Variants in AGBL4 observed in about 807,000 individuals in gnomAD.
AGBL4 encodes cytosolic carboxypeptidase 6.
A neutral mutation model predicts 66.4 loss-of-function variants in AGBL4; 58 were observed. The observed-to-expected ratio is 0.87, with a 90% CI of 0.71 to 1.09. The LOEUF (loss-of-function observed/expected upper bound fraction) is 1.09. Among genes scored for constraint, AGBL4 ranks in the 50% least tolerant of loss-of-function variants. The pLI is 0.00. For missense variants in AGBL4, 579 were observed against 631.0 expected (o/e 0.92, Z 0.88); for synonymous variants, 234 against 222.9 (o/e 1.05, Z -0.44).
At chr1:49,085,901 A>C (rs1366378635) in intron 4 of AGBL4, among the ~76,000 whole-genome samples, 1 of 152,108 alleles carries the variant, frequency 6.6e-6, no homozygotes, top group East Asian at 1.9e-4. Flanking sequence ...GGGGACCGCT[A>C]CATGTTTTGG....
rs1246464404 is a variant in AGBL4, at chr1:49,879,692, A to G, written c.35-28174T>C. Among the ~76,000 whole-genome samples, 17 of 132,732 alleles carry G rather than the reference A, an allele frequency of 1.3e-4. No homozygotes were observed. In the South Asian group the frequency reaches 4.0e-3, roughly 31 times the overall value. 87.1% of individuals were successfully genotyped at this position (132,732 alleles called of 152,430 possible). A position where few individuals can be genotyped will look rare whatever the true frequency, so the allele number is the denominator to read the frequency against. On this transcript the variant is annotated intron_variant, in intron 1 of 13. Transcript: ENST00000371839. ...TTATGGCGTTCTCTGTATTTCCTGA[A>G]TCTGAACGTTGGCCTGCCTTGCTAG...
At chr1:48,791,362 A>C (rs545478742) in intron 6 of AGBL4, among the ~76,000 whole-genome samples, 2 of 152,060 alleles carry the variant, frequency 1.3e-5, no homozygotes, top group Non-Finnish European at 2.9e-5. Context: ...TCTTCTCTAA[A>C]TCACCTTCCC....
intron 10 of AGBL4, 137 bp from the exon 11 acceptor site, chr1:48,587,303 A>T (rs1447194775): frequency 1.2e-6 from 1 of 819,484 alleles, no homozygotes; most frequent in Middle Eastern, 3.4e-4. Context: ...CATGATTATT[A>T]TAAGGACTGA....
intron 12 of AGBL4, among the ~76,000 whole-genome samples, chr1:48,537,316 C>A (rs543497875): frequency 2.0e-5 from 3 of 152,198 alleles, no homozygotes; most frequent in African/African-American, 4.8e-5. Flanking sequence ...GCATTTAGCT[C>A]AAGTCCTCAA....
intron 3 of AGBL4, among the ~76,000 whole-genome samples, chr1:49,419,340 T>A (rs549378774): frequency 1.3e-5 from 2 of 152,264 alleles, no homozygotes; most frequent in Admixed American, 1.3e-4. Context: ...GTAGCTGAAA[T>A]CTTGACAACA....
chr1:49,573,649 A>G (rs1335928190), intron 3 of AGBL4, among the ~76,000 whole-genome samples: 2 of 152,130 alleles, frequency 1.3e-5, no homozygotes, highest in Non-Finnish European at 2.9e-5. Context: ...CCTGAGTGAG[A>G]GTCTTATATC....
intron 4 of AGBL4, among the ~76,000 whole-genome samples, chr1:49,167,876 C>A (rs1322057679): frequency 6.6e-6 from 1 of 151,896 alleles, no homozygotes. Flanking sequence ...GGTTCTGCAT[C>A]CACAGATTAA....
At chr1:49,006,167 G>T (rs546156428) in intron 5 of AGBL4, among the ~76,000 whole-genome samples, 1 of 152,118 alleles carries the variant, frequency 6.6e-6, no homozygotes, top group Non-Finnish European at 1.5e-5. Context: ...CAGTGGGTGC[G>T]TGCACCGTGC....
At chr1:48,677,005 A>G (rs996664760) in intron 6 of AGBL4, among the ~76,000 whole-genome samples, 3 of 152,148 alleles carry the variant, frequency 2.0e-5, no homozygotes, top group Non-Finnish European at 4.4e-5. Context: ...CGGTTTCACC[A>G]TCTGTCATAA....
chr1:49,346,325 G>C (rs1326726604), intron 3 of AGBL4, among the ~76,000 whole-genome samples: 1 of 152,266 alleles, frequency 6.6e-6, no homozygotes, highest in African/African-American at 2.4e-5. Flanking sequence ...TCTGGCTGCT[G>C]CTCAGAGGAA....
intron 2 of AGBL4, among the ~76,000 whole-genome samples, chr1:49,788,368 A>G (rs977529344): frequency 6.6e-6 from 1 of 152,178 alleles, no homozygotes; most frequent in African/African-American, 2.4e-5. Context: ...TACAAAAAAC[A>G]TCTACAATGT....
At chr1:49,761,463 C>T (rs970747041) in intron 2 of AGBL4, among the ~76,000 whole-genome samples, 1 of 152,180 alleles carries the variant, frequency 6.6e-6, no homozygotes, top group Admixed American at 6.5e-5. Flanking sequence ...AACTGTATTA[C>T]ATACAGCCCT....
intron 4 of AGBL4, among the ~76,000 whole-genome samples, chr1:49,054,422 G>T (rs1410588063): frequency 6.6e-6 from 1 of 151,860 alleles, no homozygotes; most frequent in Non-Finnish European, 1.5e-5. Context: ...TTATTTTAGG[G>T]CAATATGAAT....
At chr1:48,797,017 A>G (rs1645692570) in intron 6 of AGBL4, among the ~76,000 whole-genome samples, 1 of 152,220 alleles carries the variant, frequency 6.6e-6, no homozygotes, top group African/African-American at 2.4e-5. Flanking sequence ...GAAAAGAAAT[A>G]TAATTATTGA....
chr1:49,136,045 A>G (rs1415184744), intron 4 of AGBL4, among the ~76,000 whole-genome samples: 1 of 152,154 alleles, frequency 6.6e-6, no homozygotes, highest in Non-Finnish European at 1.5e-5. Context: ...CAGATAAATT[A>G]ACAGTAATTG....
At chr1:48,993,729 C>G (rs974036985) in intron 5 of AGBL4, among the ~76,000 whole-genome samples, 34 of 152,160 alleles carry the variant, frequency 2.2e-4, no homozygotes, top group Admixed American at 2.2e-3. Flanking sequence ...AATGCTCCCT[C>G]CATGAGTATT....
chr1:49,659,702 C>G (rs1210337113), intron 3 of AGBL4, among the ~76,000 whole-genome samples: 3 of 152,134 alleles, frequency 2.0e-5, no homozygotes. Flanking sequence ...CAATATTAGA[C>G]AGATCATTGA....
chr1:49,285,423 G>T (rs1237870780), intron 3 of AGBL4, among the ~76,000 whole-genome samples: 4 of 152,070 alleles, frequency 2.6e-5, no homozygotes, highest in South Asian at 4.1e-4. Context: ...AAGCAGGAAA[G>T]ATCCAAAATT....
At chr1:49,384,790 A>G (rs1191761357) in intron 3 of AGBL4, among the ~76,000 whole-genome samples, 1 of 152,172 alleles carries the variant, frequency 6.6e-6, no homozygotes, top group Non-Finnish European at 1.5e-5. Flanking sequence ...AACTTTGTGC[A>G]CTGTTGGTAG....
Sources: gnomAD v4.1 joint callset for allele counts (sites outside exome capture counted in the v4.1 genomes callset) on GRCh38, gnomAD v4.1.1 for gene constraint, MANE v1.5 for transcripts, NCBI Gene and HGNC (gene_info 2026-07-23, HGNC 2026-07-21) for gene names.